ADAM7: variants seen among roughly 807,000 people sequenced by gnomAD.
ADAM7 encodes the protein disintegrin and metalloproteinase domain-containing protein 7.
Under a neutral mutation model 102.9 loss-of-function variants are expected in ADAM7, and 97 were observed. The ratio of observed to expected loss-of-function variants is 0.94; its 90% CI spans 0.80 to 1.12. ADAM7 has a LOEUF of 1.12. Among genes scored for constraint, ADAM7 ranks in the 50% most tolerant of loss-of-function variants. The pLI, the probability that ADAM7 is intolerant of heterozygous loss-of-function variation, is 0.00. For synonymous variants in ADAM7, 334 were observed against 304.4 expected, an observed-to-expected ratio of 1.10 and a Z score of -1.01; for missense variants, 991 against 908.7, an observed-to-expected ratio of 1.09 and a Z score of -1.16.
intron 3 of ADAM7, among the ~76,000 whole-genome samples, chr8:24,455,741 A>C (rs969300815): frequency 6.6e-6 from 1 of 152,230 alleles, no homozygotes; most frequent in Admixed American, 6.5e-5. Context: ...TCTTTGTATA[A>C]CATTTTCATA....
intron 1 of ADAM7, 99 bp from the exon 2 acceptor site, chr8:24,442,374 C>G: frequency 3.6e-6 from 3 of 830,596 alleles, no homozygotes; most frequent in Admixed American, 1.7e-5. Context: ...TGGCTGCTAA[C>G]TGGGGGCAAA....
chr8:24,497,583 T>C (rs913684357), intron 16 of ADAM7, among the ~76,000 whole-genome samples: 3 of 151,856 alleles, frequency 2.0e-5, no homozygotes, highest in African/African-American at 4.8e-5. Context: ...AACCAGGAAA[T>C]AGAGTTCTAA....
In ADAM7 at chr8:24,441,153, G is replaced by C. The variant is rs748585100; in HGVS notation, c.45G>C (p.Gln15His). 6 of 1,612,928 alleles carry C rather than the reference G, an allele frequency of 3.7e-6. No individual in the cohort carries two copies. In the African/African-American group the frequency reaches 4.0e-5, roughly 11 times the overall value. ...TCTTGATGATTTTACTCATTCCTCA[G>C]GTTAAAGGTATGTCTTGCTCTTTTT... ...CIFLMILLIP[Q>H]VKEKFILGVE... Residue 15 changes from glutamine to histidine, a missense_variant, in exon 1 of 22, where the codon CAG becomes CAC. By Grantham distance (24) the Gln-to-His change is conservative (BLOSUM62 0). Transcript: ENST00000175238.
At chr8:24,506,273 C>G in intron 20 of ADAM7, 1 of 820,908 alleles carries the variant, frequency 1.2e-6, no homozygotes, top group Non-Finnish European at 1.9e-6. Flanking sequence ...ACATCGATAG[C>G]TCTCTGATCG....
In ADAM7 at chr8:24,501,286, T is replaced by A. The variant is rs563752976; in HGVS notation, c.2109-191T>A. ...TTCCCACATCAAGAATCAGGTGACA[T>A]CACTGAAGATTGTACAAGTATTAAG... On this transcript the variant is annotated intron_variant, in intron 19 of 21. Coordinates refer to ENST00000175238, the MANE Select transcript of ADAM7 (RefSeq NM_003817.4). 2.0e-5 allele frequency among the ~76,000 whole-genome samples: 3 copies of A among 152,224 alleles called. No homozygotes were observed. In the East Asian group the frequency reaches 5.8e-4, roughly 29 times the overall value.
intron 3 of ADAM7, among the ~76,000 whole-genome samples, chr8:24,448,245 G>T (rs1197052692): frequency 6.6e-6 from 1 of 152,094 alleles, no homozygotes; most frequent in East Asian, 1.9e-4. Flanking sequence ...CTTGTCCAGG[G>T]TCACAATACT....
In ADAM7 at chr8:24,447,172, C is replaced by G. The variant is rs1377421209; in HGVS notation, c.157-14C>G. The stretch of plus-strand genomic sequence containing the variant: ...AGCCCATGTTGAAGTCACGTGATGC[C>G]TCTTCTTTTTTAGAAAACGTATGAA... On this transcript the variant is annotated splice_polypyrimidine_tract_variant and intron_variant, in intron 2 of 21. Coordinates refer to ENST00000175238, the MANE Select transcript of ADAM7 (RefSeq NM_003817.4). 6.7e-7 allele frequency: 1 copy of G among 1,502,222 alleles called. No homozygotes were observed. The highest frequency in any genetic ancestry group is 9.1e-7 in the Non-Finnish European group (1 of 1,095,850). 93.1% of individuals were successfully genotyped at this position (1,502,222 alleles called of 1,614,324 possible). A position where few individuals can be genotyped will look rare whatever the true frequency, so the allele number is the denominator to read the frequency against.
intron 2 of ADAM7, among the ~76,000 whole-genome samples, chr8:24,444,198 A>G (rs1818470423): frequency 6.6e-6 from 1 of 150,652 alleles, no homozygotes; most frequent in South Asian, 2.1e-4. Context: ...GCTTTGTATT[A>G]TGACATGAAG....
At chr8:24,474,628 CA>C (rs1436761672) in intron 7 of ADAM7, among the ~76,000 whole-genome samples, 1 of 152,070 alleles carries the variant, frequency 6.6e-6, no homozygotes, top group Non-Finnish European at 1.5e-5. Flanking sequence ...CAGTGGCTCA[CA>C]CCTGTAAACC....
At chr8:24,491,443 A>T (rs1177438693) in intron 13 of ADAM7, among the ~76,000 whole-genome samples, 2 of 152,172 alleles carry the variant, frequency 1.3e-5, no homozygotes, top group Non-Finnish European at 2.9e-5. Flanking sequence ...TGAATGAGAG[A>T]ATATCTCTAT....
intron 12 of ADAM7, chr8:24,490,581 C>A: frequency 2.0e-6 from 1 of 496,544 alleles, no homozygotes; most frequent in Non-Finnish European, 3.6e-6. Context: ...CAATGAGAAT[C>A]CATTACCCGT....
At chr8:24,488,967 T>C (rs997968825) in intron 11 of ADAM7, among the ~76,000 whole-genome samples, 192 bp from the exon 12 acceptor site, 10 of 152,138 alleles carry the variant, frequency 6.6e-5, no homozygotes, top group Non-Finnish European at 1.3e-4. Context: ...ACCAAGATAT[T>C]TTCACTAACA....
chr8:24,504,020 TACAAAA>T (rs1820857212), intron 20 of ADAM7, among the ~76,000 whole-genome samples: 2 of 145,548 alleles, frequency 1.4e-5, no homozygotes, highest in Admixed American at 6.9e-5. Context: ...GAACTTCAAG[TACAAAA>T]ATAAAATAAA....
chr8:24,507,965 A>T (rs886127746), intron 21 of ADAM7, among the ~76,000 whole-genome samples: 1 of 152,210 alleles, frequency 6.6e-6, no homozygotes, highest in African/African-American at 2.4e-5. Context: ...TTATCAAATC[A>T]ATAAATGGAA....
chr8:24,467,174 T>C (rs1448647256), intron 6 of ADAM7, 186 bp downstream of exon 6: 1 of 613,362 alleles, frequency 1.6e-6, no homozygotes, highest in Non-Finnish European at 2.8e-6. Context: ...TCATAGAGTT[T>C]GTTTAATCAG....
intron 3 of ADAM7, among the ~76,000 whole-genome samples, chr8:24,453,804 G>C (rs1461899578): frequency 6.6e-6 from 1 of 152,174 alleles, no homozygotes; most frequent in Non-Finnish European, 1.5e-5. Context: ...GGTCTCTGAT[G>C]ATGGTGATGT....
intron 3 of ADAM7, among the ~76,000 whole-genome samples, chr8:24,455,126 G>A (rs1333859706): frequency 6.6e-6 from 1 of 151,644 alleles, no homozygotes; most frequent in Non-Finnish European, 1.5e-5. Flanking sequence ...TCTAGTTAAT[G>A]TTCCCAAAAA....
At chr8:24,458,220 C>T (rs1161689231) in intron 3 of ADAM7, among the ~76,000 whole-genome samples, 1 of 152,052 alleles carries the variant, frequency 6.6e-6, no homozygotes, top group Non-Finnish European at 1.5e-5. Context: ...TTAAAAGGCC[C>T]GCTGCAATTT....
At chr8:24,466,350 G>A (rs993920039) in intron 5 of ADAM7, among the ~76,000 whole-genome samples, 1 of 152,130 alleles carries the variant, frequency 6.6e-6, no homozygotes, top group Non-Finnish European at 1.5e-5. Context: ...TTTAATTACG[G>A]GAAATTTGCT....
Sources: gnomAD v4.1 joint callset for allele counts (sites outside exome capture counted in the v4.1 genomes callset) on GRCh38, gnomAD v4.1.1 for gene constraint, MANE v1.5 for transcripts, NCBI Gene and HGNC (gene_info 2026-07-23, HGNC 2026-07-21) for gene names.